RNF187: variants seen among roughly 807,000 people sequenced by gnomAD.
RNF187 encodes E3 ubiquitin-protein ligase RNF187.
RNF187 carries 18 observed loss-of-function variants against 22.2 expected under a neutral mutation model. That is an observed-to-expected ratio of 0.81 (90% confidence interval 0.56 to 1.20). The LOEUF is 1.20. Among genes scored for constraint, RNF187 ranks in the 50% most tolerant of loss-of-function variants. The pLI is 0.00. For missense variants in RNF187, 329 were observed against 317.6 expected (o/e 1.04, Z -0.27); for synonymous variants, 164 against 140.9 (o/e 1.16, Z -1.16).
Position 228,487,404 on chromosome 1 carries a change from TGGTCTCCGTCCGGTCGCCGGCCGTCTA to T in RNF187, c.-76_-50del, listed in dbSNP as rs960044115. ...GGCGTTGGCGTCTTCGTCCTGTTGC[TGGTCTCCGTCCGGTCGCCGGCCGTCTA>T]GGTCTCCGGCCCTCCCCAGCCGCTC... is the stretch of plus-strand genomic sequence containing the variant. On this transcript the variant is annotated 5_prime_UTR_variant, in exon 1 of 4. Coordinates refer to ENST00000305943, the MANE Select transcript of RNF187 (RefSeq NM_001010858.3). The T allele has an allele frequency of 2.3e-4, 245 of 1,057,856 alleles. 1 individual carries two copies. The highest frequency in any genetic ancestry group is 2.3e-3 in the South Asian group (49 of 21,718). 65.5% of individuals were successfully genotyped at this position (1,057,856 alleles called of 1,614,324 possible).
At chr1:228,492,360 T>C in intron 2 of RNF187, among the ~76,000 whole-genome samples, 5 of 151,926 alleles carry the variant, frequency 3.3e-5, no homozygotes, top group Admixed American at 6.6e-5. Flanking sequence ...TCTTCTGTTA[T>C]TGTTTTTTTT....
chr1:228,489,096 G>T, intron 2 of RNF187, 44 bp downstream of exon 2: 2 of 1,477,266 alleles, frequency 1.4e-6, no homozygotes. Flanking sequence ...GGGGACTGTG[G>T]GCTCAGGGCT....
Position 228,494,374 on chromosome 1 carries a change from AAAGG to A in RNF187, c.*493_*496del. On this transcript the variant is annotated 3_prime_UTR_variant, in exon 4 of 4. Coordinates refer to ENST00000305943, the MANE Select transcript of RNF187 (RefSeq NM_001010858.3). Reference sequence around the variant, plus strand: ...CTGGAACTCAGGTCTTCAGGGAGAGAAAGGAAGACTGGATTGCACCTTGATGCCT... The same window carrying A: ...CTGGAACTCAGGTCTTCAGGGAGAGAAAGACTGGATTGCACCTTGATGCCT... 1 of 1,020,224 alleles carries A rather than the reference AAAGG, an allele frequency of 9.8e-7. No homozygotes were observed. The highest frequency in any genetic ancestry group is 1.7e-5 in the African/African-American group (1 of 59,284). The allele number at this position is 1,020,224 out of a possible 1,614,324, so 63.2% of individuals were successfully genotyped here.
Position 228,493,197 on chromosome 1 carries a change from C to A in RNF187, c.628C>A (p.Arg210=). The stretch of plus-strand genomic sequence containing the variant: ...GGACGAGCTGGCTGACCCCACTGAG[C>A]GGTTCAGGTCACTGCTGCAGGCGGT... The change falls in exon 3 of 4, where the codon CGG becomes AGG. Residue 210 remains arginine, a synonymous_variant. Transcript: ENST00000305943. The surrounding 1 kb of genome is among the most constrained non-coding windows in gnomAD (Gnocchi z 4.7). 5.2e-6 allele frequency: 8 copies of A among 1,551,654 alleles called. No individual in the cohort carries two copies. The highest frequency in any genetic ancestry group is 7.0e-6 in the Non-Finnish European group (8 of 1,146,988).
chr1:228,492,129 C>G, intron 2 of RNF187, among the ~76,000 whole-genome samples: 1 of 151,818 alleles, frequency 6.6e-6, no homozygotes, highest in Non-Finnish European at 1.5e-5. Context: ...TAGCTCACTG[C>G]AGCCTCAAAC....
Position 228,493,393 on chromosome 1 carries a change from C to A in RNF187, c.705+119C>A. The A allele has an allele frequency of 6.9e-7, 1 of 1,452,176 alleles. No homozygotes were observed. 90.0% of individuals were successfully genotyped at this position (1,452,176 alleles called of 1,614,324 possible). A position where few individuals can be genotyped will look rare whatever the true frequency, so the allele number is the denominator to read the frequency against. ...TAAAAGCCCAGCCTGACTCCCACTG[C>A]CGTGGCCTTGCAGGGCTGAATTTCG... is the stretch of plus-strand genomic sequence containing the variant. On this transcript the variant is annotated intron_variant, in intron 3 of 3. Coordinates refer to ENST00000305943, the MANE Select transcript of RNF187 (RefSeq NM_001010858.3). The surrounding 1 kb of genome is among the most constrained non-coding windows in gnomAD (Gnocchi z 4.7).
chr1:228,494,888 C>G lies in RNF187; in HGVS notation c.*1003C>G. On this transcript the variant is annotated 3_prime_UTR_variant, in exon 4 of 4. Transcript: ENST00000305943. The stretch of plus-strand genomic sequence containing the variant: ...GAAGCCTTTCAGCCCTTCTGAGTCC[C>G]CGGCCCTTGGTGCGATGTCTGTGAG... 4.1e-6 allele frequency: 4 copies of G among 985,360 alleles called. No individual in the cohort carries two copies. In the East Asian group the frequency reaches 4.5e-4, roughly 112 times the overall value. 61.0% of individuals were successfully genotyped at this position (985,360 alleles called of 1,614,324 possible). A position where few individuals can be genotyped will look rare whatever the true frequency, so the allele number is the denominator to read the frequency against.
intron 1 of RNF187, 47 bp from the exon 2 acceptor site, chr1:228,488,913 G>T: frequency 2.0e-6 from 3 of 1,468,636 alleles, no homozygotes; most frequent in East Asian, 4.9e-5. Context: ...CTGGGTTGGG[G>T]GACCCAGAGC....
chr1:228,489,457 C>G, intron 2 of RNF187, among the ~76,000 whole-genome samples: 2 of 152,128 alleles, frequency 1.3e-5, no homozygotes, highest in Admixed American at 6.5e-5. Flanking sequence ...GCTACCACAC[C>G]TGGTTAATTT....
Position 228,488,951 on chromosome 1 carries a change from T to G in RNF187, c.391-9T>G. 121 of 1,550,700 alleles carry G rather than the reference T, an allele frequency of 7.8e-5. No individual in the cohort carries two copies. Among genetic ancestry groups the G allele is most frequent in the South Asian group, 1.2e-5 (1 of 84,052 alleles). On this transcript the variant is annotated splice_polypyrimidine_tract_variant and intron_variant, in intron 1 of 3. Coordinates refer to ENST00000305943, the MANE Select transcript of RNF187 (RefSeq NM_001010858.3). ...CTGCCCACCCCTGGTGACCTTCTTT[T>G]CTTTACAGGAGAACAAGGGGTCTGT...
chr1:228,492,991 G>A, intron 2 of RNF187, 62 bp from the exon 3 acceptor site: 4 of 1,473,450 alleles, frequency 2.7e-6, no homozygotes, highest in African/African-American at 1.4e-5. Flanking sequence ...GAGCAAACAG[G>A]TTCCCCTTCC....
In RNF187 at chr1:228,493,494, C is replaced by T; in HGVS notation, c.705+220C>T. On this transcript the variant is annotated intron_variant, in intron 3 of 3. Transcript: ENST00000305943. The surrounding 1 kb of genome is among the most constrained non-coding windows in gnomAD (Gnocchi z 4.7). ...GAGGGTCTGAGGTGTCCCTGACCTT[C>T]ACAAAGGAGGGCACTTGGCATCCCG... is the stretch of plus-strand genomic sequence containing the variant. Among the ~76,000 whole-genome samples the T allele has an allele frequency of 0.24, 37,212 of 152,226 alleles. 5,569 individuals are homozygous for T. The highest frequency in any genetic ancestry group is 0.52 in the East Asian group (2,668 of 5,162).
At chr1:228,490,374 C>T in intron 2 of RNF187, among the ~76,000 whole-genome samples, 1 of 152,230 alleles carries the variant, frequency 6.6e-6, no homozygotes, top group Non-Finnish European at 1.5e-5. Context: ...CTTCTCCTTG[C>T]CTTGTGAGTG....
Position 228,489,013 on chromosome 1 carries a change from C to T in RNF187, c.444C>T (p.Asp148=), listed in dbSNP as rs1378276048. The T allele has an allele frequency of 1.3e-6, 2 of 1,550,228 alleles. No homozygotes were observed. The highest frequency in any genetic ancestry group is 4.9e-5 in the East Asian group (2 of 40,914). The stretch of plus-strand genomic sequence containing the variant: ...GAAAGGACTTGAATGACGCCCGGGA[C>T]CTGCATGGCCAGGCAGAGTCAGCAG... The change falls in exon 2 of 4, where the codon GAC becomes GAT. Residue 148 remains aspartate, a synonymous_variant. Transcript: ENST00000305943.
Position 228,494,430 on chromosome 1 carries a change from G to A in RNF187, c.*545G>A. On this transcript the variant is annotated 3_prime_UTR_variant, in exon 4 of 4. Coordinates refer to ENST00000305943, the MANE Select transcript of RNF187 (RefSeq NM_001010858.3). ...CTGAGGAGGCGGCCCCCCTCTTGAG[G>A]TGGGCGTGGGCCCGGCCCAGCCTTA... The A allele has an allele frequency of 8.0e-6, 8 of 993,986 alleles. No homozygotes were observed. The highest frequency in any genetic ancestry group is 9.6e-6 in the Non-Finnish European group (8 of 834,646). 61.6% of individuals were successfully genotyped at this position (993,986 alleles called of 1,614,324 possible). A position where few individuals can be genotyped will look rare whatever the true frequency, so the allele number is the denominator to read the frequency against.
At chr1:228,491,522 C>T in intron 2 of RNF187, among the ~76,000 whole-genome samples, 1 of 151,438 alleles carries the variant, frequency 6.6e-6, no homozygotes, top group Admixed American at 6.6e-5. Context: ...CTCACTGCAT[C>T]CTCCACCTCC....
At chr1:228,490,299 C>T in intron 2 of RNF187, among the ~76,000 whole-genome samples, 1 of 152,192 alleles carries the variant, frequency 6.6e-6, no homozygotes, top group African/African-American at 2.4e-5. Context: ...TGACGGGTTA[C>T]ACATGGGGTC....
chr1:228,493,071 A>C lies in RNF187; in HGVS notation c.502A>C (p.Arg168=). The change falls in exon 3 of 4, where the codon AGG becomes CGG. Residue 168 remains arginine (R), a synonymous_variant. Transcript: ENST00000305943. This position sits in a 1 kb window ranked among gnomAD's most constrained non-coding sequence, Gnocchi z 4.7. ...TTTGCAGGGACACGTGATGGACCGT[A>C]GGAAGAAGGCACTGACCGACTACAA... 6.5e-7 allele frequency: 1 copy of C among 1,549,992 alleles called. No individual in the cohort carries two copies. Among genetic ancestry groups the C allele is most frequent in the Non-Finnish European group, 8.7e-7 (1 of 1,145,842 alleles).
In RNF187 at chr1:228,487,418, T is replaced by C. The variant is rs1658857430; in HGVS notation, c.-71T>C. ...CGTCCTGTTGCTGGTCTCCGTCCGGTCGCCGGCCGTCTAGGTCTCCGGCCC... is the reference window on the plus strand; with the variant it reads ...CGTCCTGTTGCTGGTCTCCGTCCGGCCGCCGGCCGTCTAGGTCTCCGGCCC... On this transcript the variant is annotated 5_prime_UTR_variant, in exon 1 of 4. Transcript: ENST00000305943. 2 of 1,080,608 alleles carry C rather than the reference T, an allele frequency of 1.9e-6. No individual in the cohort carries two copies. The highest frequency in any genetic ancestry group is 8.9e-5 in the South Asian group (2 of 22,498). 66.9% of individuals were successfully genotyped at this position (1,080,608 alleles called of 1,614,324 possible).
Sources: gnomAD v4.1 joint callset for allele counts (sites outside exome capture counted in the v4.1 genomes callset) on GRCh38, gnomAD v4.1.1 for gene constraint, Gnocchi (gnomAD v3.1) non-coding constraint, MANE v1.5 for transcripts, NCBI Gene and HGNC (gene_info 2026-07-23, HGNC 2026-07-21) for gene names.